Variants in FAM200B observed in about 807,000 individuals in gnomAD.
The protein encoded by FAM200B is zinc finger BED-type containing 11.
FAM200B carries 32 observed loss-of-function variants against 33.1 expected under a neutral mutation model. That is an observed-to-expected ratio of 0.97 (90% CI 0.73 to 1.30). The LOEUF (loss-of-function observed/expected upper bound fraction) is 1.30, where lower values mean the gene tolerates loss of function less well. FAM200B is among the 50% of genes most tolerant of loss of function. The pLI is 0.00. For synonymous variants in FAM200B, 240 were observed against 264.8 expected (o/e 0.91, Z 0.91); for missense variants, 741 against 754.0 (o/e 0.98, Z 0.20).
the FAM200B span, among the ~76,000 whole-genome samples, chr4:15,641,239 T>C: frequency 1.3e-5 from 2 of 152,256 alleles, no homozygotes; most frequent in East Asian, 3.9e-4. Flanking sequence ...ACAGAATCCC[T>C]TTATGGTCAT....
At chr4:15,659,068 C>T in the FAM200B span, among the ~76,000 whole-genome samples, 1 of 152,160 alleles carries the variant, frequency 6.6e-6, no homozygotes, top group African/African-American at 2.4e-5. Flanking sequence ...ATTTCAGTCC[C>T]TCCTGTGCTT....
chr4:15,679,327 C>T (rs768989698), upstream of FAM200B, among the ~76,000 whole-genome samples: 6 of 152,118 alleles, frequency 3.9e-5, no homozygotes, highest in Non-Finnish European at 7.4e-5. Flanking sequence ...GCTGGGATTA[C>T]AGGTGTGAGC....
At chr4:15,641,377 C>A in the FAM200B span, 1 of 345,944 alleles carries the variant, frequency 2.9e-6, no homozygotes, top group Non-Finnish European at 5.6e-6. Flanking sequence ...GCAAGACCAA[C>A]CCCACCTCTT....
chr4:15,680,977 A>G (rs960728346), upstream of FAM200B, among the ~76,000 whole-genome samples: 6 of 141,254 alleles, frequency 4.2e-5, no homozygotes, highest in Admixed American at 4.4e-4. Context: ...ATATAAATAT[A>G]TATCTCAACC....
chr4:15,686,092 C>T (rs1718817323), intron 1 of FAM200B, 144 bp from the exon 2 acceptor site: 1 of 152,082 alleles, frequency 6.6e-6, no homozygotes, highest in African/African-American at 2.4e-5. Flanking sequence ...TAGGCCTAAG[C>T]CAATATAAGA....
the FAM200B span, among the ~76,000 whole-genome samples, chr4:15,658,546 A>C: frequency 1.3e-5 from 2 of 152,168 alleles, no homozygotes; most frequent in African/African-American, 4.8e-5. Flanking sequence ...AAGAGGAAGA[A>C]AGACCTGTGC....
At chr4:15,651,761 C>A in the FAM200B span, among the ~76,000 whole-genome samples, 1 of 151,874 alleles carries the variant, frequency 6.6e-6, no homozygotes, top group Admixed American at 6.6e-5. Context: ...CTTTTAATAC[C>A]CTTACCTGAA....
upstream of FAM200B, among the ~76,000 whole-genome samples, chr4:15,678,185 A>G (rs1024533968): frequency 1.3e-5 from 2 of 152,214 alleles, no homozygotes; most frequent in Admixed American, 1.3e-4. Context: ...GGGACAAGTC[A>G]TTATTCATAG....
the FAM200B span, among the ~76,000 whole-genome samples, chr4:15,658,665 TCTC>T: frequency 6.6e-6 from 1 of 152,180 alleles, no homozygotes; most frequent in African/African-American, 2.4e-5. Flanking sequence ...ACCATAGACT[TCTC>T]AGCCCCACAC....
chr4:15,641,162 T>C, the FAM200B span, among the ~76,000 whole-genome samples: 1 of 152,290 alleles, frequency 6.6e-6, no homozygotes, highest in East Asian at 1.9e-4. Context: ...ATAAATTATA[T>C]ACATTTATAT....
At chr4:15,683,650 A>G (rs529264539) in intron 1 of FAM200B, among the ~76,000 whole-genome samples, 12 of 152,300 alleles carry the variant, frequency 7.9e-5, no homozygotes, top group African/African-American at 2.9e-4. Flanking sequence ...ATCTAAATTT[A>G]CATGTATGTT....
the FAM200B span, among the ~76,000 whole-genome samples, chr4:15,652,001 C>A: frequency 1.3e-5 from 2 of 152,162 alleles, no homozygotes; most frequent in African/African-American, 2.4e-5. Context: ...GATGTTATTA[C>A]ATACTGGACT....
chr4:15,674,638 G>C, the FAM200B span, among the ~76,000 whole-genome samples: 2 of 149,336 alleles, frequency 1.3e-5, no homozygotes, highest in African/African-American at 4.9e-5. Context: ...GATTATCAAC[G>C]TTATGGGATT....
rs1718986251 is a variant in FAM200B, at chr4:15,687,543, ATAAAT to A, written c.571_575del (p.Leu191AsnfsTer4). On this transcript the variant is annotated frameshift_variant, in exon 2 of 2. Coordinates refer to ENST00000422728, the MANE Select transcript of FAM200B (RefSeq NM_001145191.2). LOFTEE classifies it high-confidence loss of function. ...ACAATATTTGATGATAAATCAGCTGATAAATTAAAAACTATACCTAATGATAACAC... is the reference window on the plus strand; with the variant it reads ...ACAATATTTGATGATAAATCAGCTGATAAAAACTATACCTAATGATAACAC... The A allele has an allele frequency of 6.4e-7, 1 of 1,550,426 alleles. No individual in the cohort carries two copies. Among genetic ancestry groups the A allele is most frequent in the South Asian group, 1.2e-5 (1 of 83,938 alleles).
chr4:15,667,906 TG>T, the FAM200B span, among the ~76,000 whole-genome samples: 1 of 152,050 alleles, frequency 6.6e-6, no homozygotes, highest in Non-Finnish European at 1.5e-5. Flanking sequence ...CCAGGCGTGG[TG>T]GCGGGTGCCT....
At chr4:15,669,934 A>G in the FAM200B span, among the ~76,000 whole-genome samples, 2 of 152,202 alleles carry the variant, frequency 1.3e-5, no homozygotes, top group Non-Finnish European at 2.9e-5. Flanking sequence ...TAATCACCCT[A>G]GGTACTATAT....
the FAM200B span, among the ~76,000 whole-genome samples, chr4:15,637,444 T>C: frequency 2.0e-5 from 3 of 152,224 alleles, no homozygotes; most frequent in African/African-American, 7.2e-5. Context: ...ATGAAGAATT[T>C]GAGTACTTTA....
At chr4:15,673,345 G>A in the FAM200B span, among the ~76,000 whole-genome samples, 1 of 152,260 alleles carries the variant, frequency 6.6e-6, no homozygotes, top group South Asian at 2.1e-4. Flanking sequence ...GGAGGCTGAG[G>A]TGGGAGGATC....
chr4:15,680,999 T>C (rs2148843638), upstream of FAM200B, among the ~76,000 whole-genome samples: 1 of 150,790 alleles, frequency 6.6e-6, no homozygotes, highest in African/African-American at 2.4e-5. Flanking sequence ...CAAAAAAATT[T>C]GGTTTGTGAC....
Sources: gnomAD v4.1 joint callset for allele counts (sites outside exome capture counted in the v4.1 genomes callset) on GRCh38, gnomAD v4.1.1 for gene constraint, MANE v1.5 for transcripts, NCBI Gene and HGNC (gene_info 2026-07-23, HGNC 2026-07-21) for gene names.